The following WDR11 variants were observed in gnomAD, a reference collection of about 807,000 sequenced individuals.
The protein encoded by WDR11 is WD repeat-containing protein 11.
WDR11 carries 83 observed loss-of-function variants against 151.2 expected under a neutral mutation model. The ratio of observed to expected loss-of-function variants is 0.55; its 90% CI spans 0.46 to 0.66. The LOEUF (loss-of-function observed/expected upper bound fraction) is 0.66, where lower values mean the gene tolerates loss of function less well. Among genes scored for constraint, WDR11 ranks in the 30% least tolerant of loss-of-function variants. WDR11 has a pLI of 0.00. For synonymous variants in WDR11, 484 were observed against 533.1 expected (o/e 0.91, Z 1.27); for missense variants, 1,301 against 1,480.9 (o/e 0.88, Z 1.99).
chr10:120,904,666 G>C lies in WDR11; in HGVS notation c.3048G>C (p.Leu1016Phe), dbSNP rs1381041410. 1 of 1,614,184 alleles carries C rather than the reference G, an allele frequency of 6.2e-7. No homozygotes were observed. The highest frequency in any genetic ancestry group is 1.1e-5 in the South Asian group (1 of 91,084). Reference sequence around the variant, plus strand: ...ACTAGACAGACAGAGCTGTGCAGTTGCTGTTGGAAACAAGTGCAGATAACC... The same window carrying C: ...ACTAGACAGACAGAGCTGTGCAGTTCCTGTTGGAAACAAGTGCAGATAACC... ...LLGQTDRAVQ[L>F]LLETSADNQH... The change falls in exon 25 of 29, where the codon TTG (leucine) becomes TTC (phenylalanine). Residue 1016 changes from leucine (L) to phenylalanine (F), a missense_variant. Leu to Phe is a conservative substitution (Grantham distance 22). This residue lies in a region of WDR11 where 589 missense variants were observed against 670.6 expected (regional missense o/e 0.88). Transcript: ENST00000263461.
intron 11 of WDR11, among the ~76,000 whole-genome samples, chr10:120,875,474 C>T (rs534847154): frequency 7.8e-4 from 119 of 152,248 alleles, no homozygotes; most frequent in Middle Eastern, 3.4e-3. Context: ...AGTGATAGAT[C>T]GTAGAGTTAC....
Position 120,906,507 on chromosome 10 carries a change from A to C in WDR11, c.3438-269A>C, listed in dbSNP as rs536306194. 2.6e-5 allele frequency: 35 copies of C among 1,335,074 alleles called. No homozygotes were observed. The African/African-American group carries it at 4.9e-4, about 19-fold the overall frequency. The allele number at this position is 1,335,074 out of a possible 1,614,324, so 82.7% of individuals were successfully genotyped here. A position where few individuals can be genotyped will look rare whatever the true frequency, so the allele number is the denominator to read the frequency against. ...ACTTGTCAACTCTGGACAGGGGTAC[A>C]TGGGCACTTGTCATATCTCTGTAGA... On this transcript the variant is annotated intron_variant, in intron 27 of 28. Coordinates refer to ENST00000263461, the MANE Select transcript of WDR11 (RefSeq NM_018117.12).
At position 120,908,395 on chromosome 10, in the gene WDR11, C is replaced by T. The variant is rs145685655; in HGVS notation, c.3518-161C>T. On this transcript the variant is annotated intron_variant, in intron 28 of 28. Coordinates refer to ENST00000263461, the MANE Select transcript of WDR11 (RefSeq NM_018117.12). Reference sequence around the variant, plus strand: ...ATGGCCGGGAATCACCCTCTGCCCGCGAAAAGTCTCCTGTGTTCATCCTGT... The same window carrying T: ...ATGGCCGGGAATCACCCTCTGCCCGTGAAAAGTCTCCTGTGTTCATCCTGT... The T allele has an allele frequency of 1.4e-3, 976 of 722,396 alleles. 4 individuals are homozygous for T. The highest frequency in any genetic ancestry group is 2.0e-3 in the Non-Finnish European group (836 of 408,278). 44.7% of individuals were successfully genotyped at this position (722,396 alleles called of 1,614,324 possible).
In WDR11 at chr10:120,889,088, G is replaced by C; in HGVS notation, c.2132G>C (p.Gly711Ala). ...SARIPPDGSMGSITCIAWKGD... is the reference protein window; with the variant it reads ...SARIPPDGSMASITCIAWKGD... ...GCTGTTGTTTTCTAGGGAAGTATGG[G>C]TAGTATTACCTGCATCGCTTGGAAA... is the stretch of plus-strand genomic sequence containing the variant. The change falls in exon 17 of 29, where the codon GGT becomes GCT. Residue 711 changes from glycine to alanine, a missense_variant. Physicochemically the swap from Gly to Ala is moderately conservative, Grantham distance 60. Transcript: ENST00000263461. 1 of 1,611,530 alleles carries C rather than the reference G, an allele frequency of 6.2e-7. No individual in the cohort carries two copies. Among genetic ancestry groups the C allele is most frequent in the South Asian group, 1.1e-5 (1 of 91,006 alleles).
At chr10:120,908,522 CT>C (rs757033744) in intron 28 of WDR11, 33 bp from the exon 29 acceptor site, 3 of 1,612,644 alleles carry the variant, frequency 1.9e-6, no homozygotes, top group Admixed American at 1.7e-5. Flanking sequence ...CATCACAGCC[CT>C]TTTTACTCTT....
At chr10:120,864,685 G>C (rs982327961) in intron 5 of WDR11, among the ~76,000 whole-genome samples, 14 of 152,214 alleles carry the variant, frequency 9.2e-5, no homozygotes, top group African/African-American at 3.4e-4. Context: ...GATTTTAACA[G>C]TTTGCCTAGT....
intron 1 of WDR11, chr10:120,851,784 C>T (rs1027890408): frequency 1.9e-6 from 1 of 538,472 alleles, no homozygotes; most frequent in Admixed American, 3.1e-5. Flanking sequence ...TTCCATTCCT[C>T]TCTCTTTTCC....
intron 12 of WDR11, chr10:120,879,549 C>T (rs1006444502): frequency 6.6e-6 from 1 of 152,136 alleles, no homozygotes; most frequent in Non-Finnish European, 1.5e-5. Context: ...AGCTCAAGTT[C>T]AGGACTGTTA....
chr10:120,860,331 T>C, intron 4 of WDR11, 49 bp downstream of exon 4: 1 of 1,581,628 alleles, frequency 6.3e-7, no homozygotes, highest in Non-Finnish European at 8.6e-7. Flanking sequence ...ATATTTATAA[T>C]ATAGTAATGC....
chr10:120,868,163 A>G (rs1244036295), intron 9 of WDR11, among the ~76,000 whole-genome samples: 1 of 152,098 alleles, frequency 6.6e-6, no homozygotes, highest in Non-Finnish European at 1.5e-5. Context: ...ATGCACTAGA[A>G]AGAGCATTGG....
intron 19 of WDR11, among the ~76,000 whole-genome samples, chr10:120,898,273 T>C (rs1173629259): frequency 2.0e-5 from 3 of 152,218 alleles, no homozygotes; most frequent in African/African-American, 4.8e-5. Flanking sequence ...TCAAAATTTA[T>C]AGGACAAATT....
In WDR11 at chr10:120,878,388, C is replaced by G. The variant is rs775506715; in HGVS notation, c.1592C>G (p.Ser531Cys). ...IEWTSLTSFL[S>C]FATSTPNNMG... Reference sequence around the variant, plus strand: ...TGGACAAGTTTGACTAGTTTTCTTTCTTTTGCTACCTCAACACCAAACAAT... The same window carrying G: ...TGGACAAGTTTGACTAGTTTTCTTTGTTTTGCTACCTCAACACCAAACAAT... The change falls in exon 12 of 29, where the codon TCT becomes TGT. Residue 531 changes from serine (S) to cysteine (C), a missense_variant. Ser to Cys is a moderately radical substitution (Grantham distance 112). Transcript: ENST00000263461. The G allele has an allele frequency of 3.4e-5, 55 of 1,613,034 alleles. No homozygotes were observed. The Middle Eastern group carries it at 5.0e-4, about 15-fold the overall frequency.
chr10:120,889,380 G>T (rs916073989), intron 17 of WDR11, 196 bp downstream of exon 17: 29 of 533,928 alleles, frequency 5.4e-5, no homozygotes, highest in Non-Finnish European at 6.7e-5. Flanking sequence ...TGGGACTACA[G>T]GCACCCACCA....
rs1404694732 is a variant in WDR11, at chr10:120,858,637, A to AT, written c.199-5dup. On this transcript the variant is annotated splice_region_variant and splice_polypyrimidine_tract_variant and intron_variant, in intron 2 of 28. Transcript: ENST00000263461. ...ATTTACTTGATCTGATTTCTTCTTG[A>AT]TACAGGTTAAATGGGCCAGGGAAAA... 6.2e-7 allele frequency: 1 copy of AT among 1,614,180 alleles called. No homozygotes were observed. The highest frequency in any genetic ancestry group is 8.5e-7 in the Non-Finnish European group (1 of 1,180,028).
In WDR11 at chr10:120,851,414, C is replaced by G. The variant is rs767465232; in HGVS notation, c.-7C>G. ...GTCAGCGCCCAGGTCCTGGGCTGGC[C>G]GCCGGGATGTTGCCCTACACAGTGA... On this transcript the variant is annotated 5_prime_UTR_variant, in exon 1 of 29. Coordinates refer to ENST00000263461, the MANE Select transcript of WDR11 (RefSeq NM_018117.12). 3.1e-6 allele frequency: 5 copies of G among 1,607,688 alleles called. No individual in the cohort carries two copies. In the Admixed American group the frequency reaches 5.1e-5, roughly 16 times the overall value.
At chr10:120,907,817 T>TC (rs1369481926) in intron 28 of WDR11, 1 of 151,432 alleles carries the variant, frequency 6.6e-6, no homozygotes, top group Non-Finnish European at 1.5e-5. Context: ...GCTTTTTTTT[T>TC]TTTTTGGTAG....
chr10:120,885,286 TACACACACAC>T (rs5788451), intron 14 of WDR11, among the ~76,000 whole-genome samples: 6 of 147,352 alleles, frequency 4.1e-5, no homozygotes, highest in Admixed American at 6.8e-5. Flanking sequence ...TATATATATA[TACACACACAC>T]ACACACACAC....
chr10:120,851,647 A>G, intron 1 of WDR11, 141 bp downstream of exon 1: 1 of 994,570 alleles, frequency 1.0e-6, no homozygotes, highest in Non-Finnish European at 1.5e-6. Context: ...GCTTGCTTTC[A>G]GTTGGTGGAT....
intron 3 of WDR11, among the ~76,000 whole-genome samples, chr10:120,859,077 A>G (rs1308771797): frequency 1.3e-5 from 2 of 152,182 alleles, no homozygotes; most frequent in Non-Finnish European, 2.9e-5. Flanking sequence ...AAGTGGTACA[A>G]TCTTGTAATC....
Sources: gnomAD v4.1 joint callset for allele counts (sites outside exome capture counted in the v4.1 genomes callset) on GRCh38, gnomAD v4.1.1 for gene constraint, gnomAD v4.1.1 regional missense constraint, MANE v1.5 for transcripts, NCBI Gene and HGNC (gene_info 2026-07-23, HGNC 2026-07-21) for gene names.